Variants in SPTBN1 observed in about 807,000 individuals in gnomAD.
SPTBN1 encodes the protein spectrin beta chain, non-erythrocytic 1.
In SPTBN1, 32 loss-of-function variants were observed where a neutral mutation model predicts 266.4. That is an observed-to-expected ratio of 0.12 (90% CI 0.09 to 0.16). The LOEUF is 0.16. Ranked by LOEUF, SPTBN1 falls within the 10% of genes least tolerant of loss-of-function variation. The pLI, the probability that SPTBN1 is intolerant of heterozygous loss-of-function variation, is 1.00. For synonymous variants in SPTBN1, 1,336 were observed against 1,162.2 expected, an observed-to-expected ratio of 1.15 and a Z score of -3.04; for missense variants, 2,296 against 3,067.1, an observed-to-expected ratio of 0.75 and a Z score of 5.94.
chr2:54,578,507 A>G (rs1027684054), intron 2 of SPTBN1, among the ~76,000 whole-genome samples: 2 of 152,054 alleles, frequency 1.3e-5, no homozygotes, highest in Non-Finnish European at 2.9e-5. Flanking sequence ...TCCAGCTGCG[A>G]TTTGCATTGT....
intron 2 of SPTBN1, among the ~76,000 whole-genome samples, chr2:54,576,464 AT>A (rs1010278891): frequency 3.8e-4 from 57 of 149,872 alleles, no homozygotes; most frequent in Middle Eastern, 3.5e-3. Flanking sequence ...TGTTACTTCA[AT>A]TTTTTTTTTA....
intron 2 of SPTBN1, among the ~76,000 whole-genome samples, chr2:54,575,980 A>G (rs918894359): frequency 1.4e-5 from 2 of 145,632 alleles, no homozygotes; most frequent in African/African-American, 5.2e-5. Flanking sequence ...AGTTTAGGTT[A>G]TGGTAGCAGG....
chr2:54,653,912 T>TCTTCCAGAGAGAAGCAGGAGC lies in SPTBN1; in HGVS notation c.5822+63_5822+83dup, dbSNP rs1681744667. ...TTGGCGCTTGGTTAAAACACAGGAG[T>TCTTCCAGAGAGAAGCAGGAGC]CTTCCAGAGAGAAGCAGGAGCCTTG... On this transcript the variant is annotated intron_variant, in intron 27 of 35. Transcript: ENST00000356805. This position sits in a 1 kb window ranked among gnomAD's most constrained non-coding sequence, Gnocchi z 5.1. 1.9e-6 allele frequency: 3 copies of TCTTCCAGAGAGAAGCAGGAGC among 1,578,314 alleles called. No homozygotes were observed. Among genetic ancestry groups the TCTTCCAGAGAGAAGCAGGAGC allele is most frequent in the Non-Finnish European group, 2.6e-6 (3 of 1,169,714 alleles).
At position 54,667,666 on chromosome 2, in the gene SPTBN1, TTC is replaced by T; in HGVS notation, c.6876+25_6876+26del. On this transcript the variant is annotated intron_variant, in intron 35 of 35. Transcript: ENST00000356805. Reference sequence around the variant, plus strand: ...GACGATGTAAGTTTCTAAATGTTATTTCTCTCCACTACTTAGGAGTTTGCAAG... The same window carrying T: ...GACGATGTAAGTTTCTAAATGTTATTTCTCCACTACTTAGGAGTTTGCAAG... 6.2e-7 allele frequency: 1 copy of T among 1,610,670 alleles called. No individual in the cohort carries two copies. Among genetic ancestry groups the T allele is most frequent in the East Asian group, 2.2e-5 (1 of 44,856 alleles).
intron 2 of SPTBN1, among the ~76,000 whole-genome samples, chr2:54,556,298 A>G (rs1030227270): frequency 1.3e-5 from 2 of 152,116 alleles, no homozygotes; most frequent in African/African-American, 4.8e-5. Context: ...AAACCTTTCT[A>G]ATACTTGCAT....
intron 1 of SPTBN1, among the ~76,000 whole-genome samples, chr2:54,488,815 G>A (rs1023461213): frequency 6.6e-6 from 1 of 152,100 alleles, no homozygotes; most frequent in African/African-American, 2.4e-5. Flanking sequence ...TTATAATGAA[G>A]TTATTAATCT....
At chr2:54,475,128 C>T (rs1667758091) in intron 1 of SPTBN1, among the ~76,000 whole-genome samples, 2 of 152,144 alleles carry the variant, frequency 1.3e-5, no homozygotes, top group Admixed American at 1.3e-4. Context: ...ATCACTTGAG[C>T]CCGGGAGGCA....
At chr2:54,469,556 G>A (rs576092843) in intron 1 of SPTBN1, among the ~76,000 whole-genome samples, 1 of 152,310 alleles carries the variant, frequency 6.6e-6, no homozygotes, top group South Asian at 2.1e-4. Flanking sequence ...TGGTTACTGT[G>A]CCTGAGCTGC....
At chr2:54,576,141 G>C (rs138608238) in intron 2 of SPTBN1, among the ~76,000 whole-genome samples, 1 of 140,332 alleles carries the variant, frequency 7.1e-6, no homozygotes, top group Non-Finnish European at 1.5e-5. Context: ...TGCAACCTCT[G>C]CCTCCTGGGT....
intron 34 of SPTBN1, among the ~76,000 whole-genome samples, chr2:54,666,946 T>A (rs1681410373): frequency 6.6e-6 from 1 of 152,186 alleles, no homozygotes; most frequent in African/African-American, 2.4e-5. Flanking sequence ...ACCGGCAGCC[T>A]GGCTCCTTGG....
intron 1 of SPTBN1, among the ~76,000 whole-genome samples, chr2:54,485,347 C>T (rs58779052): frequency 0.3 from 43,905 of 147,846 alleles, 6,639 homozygotes; most frequent in East Asian, 0.38. Context: ...CGCGCCGCCA[C>T]GCCTGACTGG....
intron 24 of SPTBN1, among the ~76,000 whole-genome samples, chr2:54,648,059 A>G (rs1680033910): frequency 6.6e-6 from 1 of 152,238 alleles, no homozygotes; most frequent in African/African-American, 2.4e-5. Flanking sequence ...TCAAGTGATT[A>G]GAACACCTTC....
intron 17 of SPTBN1, among the ~76,000 whole-genome samples, chr2:54,633,277 A>C (rs1473785028): frequency 1.3e-5 from 2 of 152,242 alleles, no homozygotes; most frequent in Non-Finnish European, 2.9e-5. Context: ...TGGCTTGGAT[A>C]GTGCTGTAAT....
intron 1 of SPTBN1, among the ~76,000 whole-genome samples, chr2:54,510,895 C>G (rs1177471676): frequency 6.6e-6 from 1 of 152,202 alleles, no homozygotes; most frequent in East Asian, 1.9e-4. Context: ...CAGCTAAGAT[C>G]TTATTTTCAT....
At chr2:54,589,845 G>A (rs1675550931) in intron 2 of SPTBN1, among the ~76,000 whole-genome samples, 1 of 152,088 alleles carries the variant, frequency 6.6e-6, no homozygotes, top group Non-Finnish European at 1.5e-5. Flanking sequence ...ATTTTTTCAA[G>A]CTAAGGCATA....
intron 1 of SPTBN1, among the ~76,000 whole-genome samples, chr2:54,457,614 G>A (rs1318659040): frequency 6.6e-6 from 1 of 152,184 alleles, no homozygotes; most frequent in East Asian, 1.9e-4. Context: ...TCGCCGTGAT[G>A]CAGCACAATG....
chr2:54,558,361 C>G lies in SPTBN1; in HGVS notation c.148+31795C>G. The G allele has an allele frequency of 2.0e-6, 2 of 999,198 alleles. No homozygotes were observed. Among genetic ancestry groups the G allele is most frequent in the Non-Finnish European group, 2.4e-6 (2 of 838,946 alleles). The allele number at this position is 999,198 out of a possible 1,614,324, so 61.9% of individuals were successfully genotyped here. ...CGGCGAGTGGCTCCTGATAAAATTA[C>G]AAACCGGCGGCCGCCGCGGGCAGCT... On this transcript the variant is annotated intron_variant, in intron 2 of 35. Coordinates refer to ENST00000356805, the MANE Select transcript of SPTBN1 (RefSeq NM_003128.3). This position sits in a 1 kb window ranked among gnomAD's most constrained non-coding sequence, Gnocchi z 4.6.
intron 1 of SPTBN1, among the ~76,000 whole-genome samples, chr2:54,484,946 TAAAATACAA>T (rs1346583032): frequency 1.3e-5 from 2 of 151,368 alleles, no homozygotes; most frequent in African/African-American, 2.4e-5. Flanking sequence ...GAGTGTCGTG[TAAAATACAA>T]AAAATACAAA....
At chr2:54,634,888 C>G (rs763088456) in intron 17 of SPTBN1, among the ~76,000 whole-genome samples, 1 of 152,164 alleles carries the variant, frequency 6.6e-6, no homozygotes, top group East Asian at 1.9e-4. Context: ...TGTCCTCAGC[C>G]TGCCCCAGGG....
Sources: allele counts gnomAD v4.1 joint callset (sites outside exome capture counted in the v4.1 genomes callset), GRCh38; gene constraint gnomAD v4.1.1; non-coding constraint Gnocchi (gnomAD v3.1); transcripts MANE v1.5; gene names NCBI Gene and HGNC (gene_info 2026-07-23, HGNC 2026-07-21).